The following PPA2 variants were observed in gnomAD, a reference collection of about 807,000 sequenced individuals.
PPA2 encodes inorganic pyrophosphatase 2.
A neutral mutation model predicts 49.5 loss-of-function variants in PPA2; 48 were observed. The observed-to-expected ratio is 0.97, with a 90% CI of 0.77 to 1.23. The LOEUF (loss-of-function observed/expected upper bound fraction) is 1.23. PPA2 is among the 50% of genes most tolerant of loss of function. The pLI, the probability that PPA2 is intolerant of heterozygous loss-of-function variation, is 0.00. For missense variants in PPA2, 429 were observed against 410.1 expected, an observed-to-expected ratio of 1.05 and a Z score of -0.40; for synonymous variants, 131 against 139.9, an observed-to-expected ratio of 0.94 and a Z score of 0.45.
intron 11 of PPA2, 61 bp from the exon 12 acceptor site, chr4:105,369,814 G>T: frequency 6.9e-7 from 1 of 1,439,310 alleles, no homozygotes; most frequent in South Asian, 1.1e-5. Flanking sequence ...AGAAGGGAGT[G>T]ATTAATCAAA....
intron 10 of PPA2, among the ~76,000 whole-genome samples, chr4:105,373,458 A>G (rs1733108649): frequency 7.1e-6 from 1 of 141,042 alleles, no homozygotes; most frequent in Non-Finnish European, 1.6e-5. Context: ...GTATAACAAT[A>G]CAAAATTTTT....
chr4:105,386,714 C>T, intron 9 of PPA2, 78 bp from the exon 10 acceptor site: 2 of 1,071,304 alleles, frequency 1.9e-6, no homozygotes, highest in Non-Finnish European at 2.8e-6. Flanking sequence ...AAACTAACTC[C>T]AAATACTCCA....
intron 7 of PPA2, among the ~76,000 whole-genome samples, chr4:105,400,678 A>G (rs1734328849): frequency 6.6e-6 from 1 of 152,168 alleles, no homozygotes. Flanking sequence ...TACCTTACTC[A>G]AACTAACATT....
rs779006470 is a variant in PPA2, at chr4:105,449,398, C to T, written c.273G>A (p.Leu91=). The T allele has an allele frequency of 7.6e-6, 12 of 1,570,132 alleles. No homozygotes were observed. The highest frequency in any genetic ancestry group is 1.7e-4 in the Middle Eastern group (1 of 5,906). The part of the protein sequence containing the change: ...KKARNDEYEN[L]FNMIVEIPRW... ...GAGGTATTTCTACAATCATATTAAA[C>T]AGATTCTGCAGTTAAAAACAAAACA... The change falls in exon 4 of 12, where the codon CTG becomes CTA. Residue 91 remains leucine (L), a synonymous_variant. Coordinates refer to ENST00000341695, the MANE Select transcript of PPA2 (RefSeq NM_176869.3).
At chr4:105,370,171 G>GAA (rs1732965720) in intron 11 of PPA2, among the ~76,000 whole-genome samples, 1 of 152,162 alleles carries the variant, frequency 6.6e-6, no homozygotes. Context: ...AATACAGTTT[G>GAA]CTTTCCCATG....
intron 9 of PPA2, among the ~76,000 whole-genome samples, chr4:105,395,542 A>T (rs113268663): frequency 0.02 from 3,098 of 152,298 alleles, 47 homozygotes; most frequent in Middle Eastern, 0.061. Flanking sequence ...GTTTCTGTGA[A>T]CATTAAGTAG....
chr4:105,405,409 T>C (rs922668998), intron 7 of PPA2: 2 of 795,450 alleles, frequency 2.5e-6, no homozygotes, highest in African/African-American at 3.8e-5. Flanking sequence ...TTTACTTTTA[T>C]CTCTAATATT....
At chr4:105,440,698 A>AT (rs141987311) in intron 5 of PPA2, among the ~76,000 whole-genome samples, 5,016 of 152,130 alleles carry the variant, frequency 0.033, 271 homozygotes, top group African/African-American at 0.11. Flanking sequence ...ATGAGCATTA[A>AT]TTTTTTTTAA....
intron 3 of PPA2, among the ~76,000 whole-genome samples, chr4:105,450,598 A>ATTTTTTTTTTTTTT (rs1560637285): frequency 9.5e-5 from 6 of 63,304 alleles, no homozygotes; most frequent in Non-Finnish European, 1.6e-4. Context: ...CTGGTCTGGA[A>ATTTTTTTTTTTTTT]TTCTTTTTTT....
At position 105,459,733 on chromosome 4, in the gene PPA2, TC is replaced by T. The variant is rs575262507; in HGVS notation, c.158-2989del. On this transcript the variant is annotated intron_variant, in intron 1 of 11. Coordinates refer to ENST00000341695, the MANE Select transcript of PPA2 (RefSeq NM_176869.3). ...CTTTTAATCAATGTTTATTAATTAT[TC>T]CACAATAAAAAGGAATGCACTATTG... 5.3e-4 allele frequency among the ~76,000 whole-genome samples: 81 copies of T among 152,336 alleles called. 1 individual carries two copies. The South Asian group carries it at 0.013, about 24-fold the overall frequency.
chr4:105,460,912 G>C (rs1723064999), intron 1 of PPA2, among the ~76,000 whole-genome samples: 1 of 148,428 alleles, frequency 6.7e-6, no homozygotes, highest in Non-Finnish European at 1.5e-5. Context: ...TTACAAATGA[G>C]TGAATGGTCT....
chr4:105,429,029 C>A (rs1046370802), intron 6 of PPA2, among the ~76,000 whole-genome samples: 2 of 152,104 alleles, frequency 1.3e-5, no homozygotes, highest in Non-Finnish European at 2.9e-5. Flanking sequence ...TCATCTTGAC[C>A]TTCTCCTCCA....
chr4:105,441,161 T>C (rs1724343302), intron 5 of PPA2, among the ~76,000 whole-genome samples: 1 of 152,072 alleles, frequency 6.6e-6, no homozygotes, highest in African/African-American at 2.4e-5. Flanking sequence ...GGAGAAGAAA[T>C]ATCAAGAAGC....
At chr4:105,456,769 A>G in intron 1 of PPA2, 24 bp from the exon 2 acceptor site, 1 of 1,565,844 alleles carries the variant, frequency 6.4e-7, no homozygotes, top group Non-Finnish European at 8.7e-7. Context: ...AACAAACAAA[A>G]CAAAACAGAA....
intron 9 of PPA2, among the ~76,000 whole-genome samples, chr4:105,389,651 T>C (rs537120882): frequency 6.6e-6 from 1 of 152,104 alleles, no homozygotes; most frequent in East Asian, 1.9e-4. Flanking sequence ...AATAATAAAG[T>C]ATATTACTAG....
In PPA2 at chr4:105,397,225, G is replaced by A. The variant is rs552250310; in HGVS notation, c.784-891C>T. On this transcript the variant is annotated intron_variant, in intron 8 of 11. Coordinates refer to ENST00000341695, the MANE Select transcript of PPA2 (RefSeq NM_176869.3). ...ATAATAAAGAAACTAAAGAATCTTGGGAACTGAGGTACAGTAATAATGGGA... is the reference window on the plus strand; with the variant it reads ...ATAATAAAGAAACTAAAGAATCTTGAGAACTGAGGTACAGTAATAATGGGA... 5.9e-5 allele frequency among the ~76,000 whole-genome samples: 9 copies of A among 152,142 alleles called. 1 individual carries two copies. The East Asian group carries it at 1.7e-3, about 29-fold the overall frequency.
At chr4:105,381,500 T>C (rs999201740) in intron 10 of PPA2, among the ~76,000 whole-genome samples, 9 of 152,080 alleles carry the variant, frequency 5.9e-5, no homozygotes, top group Admixed American at 3.9e-4. Context: ...AAAAATAGAC[T>C]GACTTCATGA....
chr4:105,457,745 G>A (rs1246862507), intron 1 of PPA2, among the ~76,000 whole-genome samples: 1 of 152,062 alleles, frequency 6.6e-6, no homozygotes, highest in Non-Finnish European at 1.5e-5. Flanking sequence ...AAAGTTTTTT[G>A]TACAGACAGG....
At chr4:105,470,422 G>A (rs1392484015) in intron 1 of PPA2, among the ~76,000 whole-genome samples, 2 of 152,170 alleles carry the variant, frequency 1.3e-5, no homozygotes, top group Non-Finnish European at 2.9e-5. Flanking sequence ...GGAAGTCAAG[G>A]CTGCTGTGAG....
Sources: allele counts gnomAD v4.1 joint callset (sites outside exome capture counted in the v4.1 genomes callset), GRCh38; gene constraint gnomAD v4.1.1; transcripts MANE v1.5; gene names NCBI Gene and HGNC (gene_info 2026-07-23, HGNC 2026-07-21).